Variants in CAPN12 observed in about 807,000 individuals in gnomAD.
CAPN12 encodes calpain 12, also known as calpain-12.
Under a neutral mutation model 95.0 loss-of-function variants are expected in CAPN12, and 107 were observed. The ratio of observed to expected loss-of-function variants is 1.13; its 90% CI spans 0.96 to 1.32. CAPN12 has a LOEUF of 1.32. Ranked by LOEUF, CAPN12 falls within the 40% of genes most tolerant of loss-of-function variation. The probability of loss-of-function intolerance (pLI) is 0.00; values close to 1 mark genes in which losing one functional copy is unlikely to be tolerated. For missense variants in CAPN12, 1,136 were observed against 997.8 expected (o/e 1.14, Z -1.87); for synonymous variants, 505 against 415.5 (o/e 1.22, Z -2.62).
At position 38,744,369 on chromosome 19, in the gene CAPN12, T is replaced by C; in HGVS notation, c.-204A>G. 1 of 604,446 alleles carries C rather than the reference T, an allele frequency of 1.7e-6. No individual in the cohort carries two copies. The highest frequency in any genetic ancestry group is 2.9e-5 in the Admixed American group (1 of 34,172). The allele number at this position is 604,446 out of a possible 1,614,324, so 37.4% of individuals were successfully genotyped here. A position where few individuals can be genotyped will look rare whatever the true frequency, so the allele number is the denominator to read the frequency against. On this transcript the variant is annotated 5_prime_UTR_variant, in exon 1 of 21. Transcript: ENST00000328867. ...TCCCAGGGCGTGGGGCCTTCAGTTG[T>C]GGCCAAGGTAGCAGCTTAATGGGCT...
At chr19:38,738,977 T>A (rs1970388232) in intron 5 of CAPN12, 1 of 383,296 alleles carries the variant, frequency 2.6e-6, no homozygotes, top group Non-Finnish European at 4.9e-6. Context: ...ACAAAAATTT[T>A]AAAAATTCAA....
At chr19:38,733,866 C>G in intron 17 of CAPN12, 85 bp from the exon 18 acceptor site, 1 of 1,137,800 alleles carries the variant, frequency 8.8e-7, no homozygotes, top group Admixed American at 1.9e-5. Context: ...CAGCCTGGTG[C>G]CCATCCCAAC....
intron 18 of CAPN12, among the ~76,000 whole-genome samples, chr19:38,732,286 A>G (rs1457230252): frequency 6.6e-6 from 1 of 151,868 alleles, no homozygotes; most frequent in Non-Finnish European, 1.5e-5. Flanking sequence ...ACGTCTCCCA[A>G]TCCTTGGCTG....
At chr19:38,736,394 T>C (rs1353749553) in intron 11 of CAPN12, 76 bp from the exon 12 acceptor site, 1 of 1,486,656 alleles carries the variant, frequency 6.7e-7, no homozygotes, top group East Asian at 2.6e-5. Flanking sequence ...GCGCGCCCCG[T>C]CCACCCTGCC....
chr19:38,735,978 GGGGCA>G lies in CAPN12; in HGVS notation c.1583+127_1583+131del, dbSNP rs201058061. 57 of 283,932 alleles carry G rather than the reference GGGGCA, an allele frequency of 2.0e-4. 15 individuals carry two copies. The highest frequency in any genetic ancestry group is 6.1e-4 in the African/African-American group (9 of 14,776). The allele number at this position is 283,932 out of a possible 1,614,324, so 17.6% of individuals were successfully genotyped here. Reference sequence around the variant, plus strand: ...GGGGGTTCTGGGGGCGGGGCGGGGCGGGGCAGGGGTTCTGGGGGCGGGGCAGGTCA... The same window carrying G: ...GGGGGTTCTGGGGGCGGGGCGGGGCGGGGGTTCTGGGGGCGGGGCAGGTCA... On this transcript the variant is annotated intron_variant, in intron 12 of 20. Coordinates refer to ENST00000328867, the MANE Select transcript of CAPN12 (RefSeq NM_144691.4).
Position 38,738,297 on chromosome 19 carries a change from A to T in CAPN12, c.941T>A (p.Val314Glu), listed in dbSNP as rs1970337632. The part of the protein sequence containing the change: ...LPTECRDALL[V>E]KKEDGEFWME... ...CCAGAACTCGCCATCCTCCTTTTTC[A>T]CCAGCAGGGCATCGCGGCACTCGGT... is the stretch of plus-strand genomic sequence containing the variant. Residue 314 changes from valine (V) to glutamate (E), a missense_variant, in exon 8 of 21, where the codon GTG (valine) becomes GAG (glutamate). Coordinates refer to ENST00000328867, the MANE Select transcript of CAPN12 (RefSeq NM_144691.4). 2 of 1,611,248 alleles carry T rather than the reference A, an allele frequency of 1.2e-6. No homozygotes were observed. Among genetic ancestry groups the T allele is most frequent in the Admixed American group, 3.3e-5 (2 of 59,932 alleles).
At chr19:38,742,945 G>C (rs571660837) in intron 2 of CAPN12, 88 bp downstream of exon 2, 4 of 1,219,746 alleles carry the variant, frequency 3.3e-6, no homozygotes, top group Non-Finnish European at 2.4e-6. Flanking sequence ...TCCAGGGGCC[G>C]GGAGTGGGTG....
In CAPN12 at chr19:38,743,329, T is replaced by G. The variant is rs36125859; in HGVS notation, c.238-227A>C. Among the ~76,000 whole-genome samples, 4,942 of 57,368 alleles carry G rather than the reference T, an allele frequency of 0.086. 148 individuals carry two copies. Among genetic ancestry groups the G allele is most frequent in the Middle Eastern group, 0.15 (10 of 68 alleles). The allele number at this position is 57,368 out of a possible 152,430, so 37.6% of individuals were successfully genotyped here. A position where few individuals can be genotyped will look rare whatever the true frequency, so the allele number is the denominator to read the frequency against. Reference sequence around the variant, plus strand: ...CTCCTCCCTCAGACCCAGGAGTCCATGTCCCGAGCCCCTCCTCCCTCAGAC... The same window carrying G: ...CTCCTCCCTCAGACCCAGGAGTCCAGGTCCCGAGCCCCTCCTCCCTCAGAC... On this transcript the variant is annotated intron_variant, in intron 1 of 20. Coordinates refer to ENST00000328867, the MANE Select transcript of CAPN12 (RefSeq NM_144691.4).
chr19:38,741,211 G>T (rs1326937456), intron 4 of CAPN12, among the ~76,000 whole-genome samples: 1 of 152,160 alleles, frequency 6.6e-6, no homozygotes, highest in Admixed American at 6.5e-5. Flanking sequence ...GGATCCTTAA[G>T]AATTATGAGT....
At chr19:38,735,078 G>A (rs1969922121) in intron 14 of CAPN12, 1 of 607,884 alleles carries the variant, frequency 1.6e-6, no homozygotes, top group Middle Eastern at 4.4e-4. Context: ...GACCGGCCTG[G>A]GGCAGGGGGG....
chr19:38,730,823 T>G lies in CAPN12; in HGVS notation c.*29A>C, dbSNP rs993152543. The G allele has an allele frequency of 5.4e-5, 84 of 1,550,434 alleles. No individual in the cohort carries two copies. The highest frequency in any genetic ancestry group is 6.4e-5 in the Non-Finnish European group (73 of 1,147,044). On this transcript the variant is annotated 3_prime_UTR_variant, in exon 21 of 21. Coordinates refer to ENST00000328867, the MANE Select transcript of CAPN12 (RefSeq NM_144691.4). ...GTGGTCTTGCTCAGCAACCCTGCCC[T>G]GAGCAGCAGGTGCGCCCATCCGGAG...
chr19:38,739,065 A>G (rs1170151765), intron 5 of CAPN12: 2 of 273,262 alleles, frequency 7.3e-6, no homozygotes, highest in Admixed American at 1.0e-4. Flanking sequence ...CCAGAGGTCA[A>G]GGCTATAGTG....
At chr19:38,742,725 C>T (rs986754130) in intron 2 of CAPN12, among the ~76,000 whole-genome samples, 197 bp from the exon 3 acceptor site, 1 of 151,790 alleles carries the variant, frequency 6.6e-6, no homozygotes, top group South Asian at 2.1e-4. Context: ...GTGGCATGCA[C>T]CTGTAGTCCC....
intron 12 of CAPN12, 121 bp downstream of exon 12, chr19:38,735,989 T>A: frequency 4.5e-6 from 1 of 221,302 alleles, no homozygotes; most frequent in Non-Finnish European, 6.6e-6. Flanking sequence ...GGGCAGGGGT[T>A]CTGGGGGCGG....
intron 18 of CAPN12, 111 bp downstream of exon 18, chr19:38,733,592 C>G: frequency 1.0e-6 from 1 of 956,248 alleles, no homozygotes; most frequent in Admixed American, 2.0e-5. Context: ...AGGTGTGGGC[C>G]TGTGGATGGC....
intron 14 of CAPN12, 62 bp downstream of exon 14, chr19:38,735,308 A>C: frequency 6.8e-7 from 1 of 1,473,166 alleles, no homozygotes; most frequent in Non-Finnish European, 9.1e-7. Context: ...GGGGTGGGGG[A>C]AGGGGGGTCC....
chr19:38,742,412 G>A lies in CAPN12; in HGVS notation c.424C>T (p.Gln142Ter), dbSNP rs760312143. Reference sequence around the variant, plus strand: ...TGGGCAGAGGAACTGAGCTGTACCTGGAAGTGGAAGACGCCTGCGTAGCCA... The same window carrying A: ...TGGGCAGAGGAACTGAGCTGTACCTAGAAGTGGAAGACGCCTGCGTAGCCA... ...QHGYAGVFHF[Q>*]LWQFGRWMDV... The change falls in exon 3 of 21, where the codon CAG (glutamine) becomes TAG (stop). Residue 142 changes from glutamine to a stop codon, truncating the protein, a stop_gained and splice_region_variant. Transcript: ENST00000328867. LOFTEE classifies it high-confidence loss of function. 6.2e-7 allele frequency: 1 copy of A among 1,608,700 alleles called. No individual in the cohort carries two copies. Among genetic ancestry groups the A allele is most frequent in the Non-Finnish European group, 8.5e-7 (1 of 1,175,048 alleles).
chr19:38,736,272 C>T lies in CAPN12; in HGVS notation c.1421G>A (p.Arg474Gln), dbSNP rs1367608164. 4.8e-6 allele frequency: 7 copies of T among 1,457,846 alleles called. No homozygotes were observed. Among genetic ancestry groups the T allele is most frequent in the African/African-American group, 3.0e-5 (2 of 67,100 alleles). The allele number at this position is 1,457,846 out of a possible 1,614,324, so 90.3% of individuals were successfully genotyped here. The change falls in exon 12 of 21, where the codon CGG becomes CAG. Residue 474 changes from arginine to glutamine, a missense_variant. Physicochemically the swap from Arg to Gln is conservative, Grantham distance 43. Transcript: ENST00000328867. ...GGGCGAGCGGTCGGCGCGCAGCAGC[C>T]GGGGCAGGAGCGCATGGCTGCGCGG... ...DSPRSHALLP[R>Q]LLRADRSPLS... is the part of the protein sequence containing the mutation.
Position 38,738,337 on chromosome 19 carries a change from AG to A in CAPN12, c.900del (p.Trp301GlyfsTer14), listed in dbSNP as rs779943180. 1.9e-5 allele frequency: 30 copies of A among 1,611,984 alleles called. No individual in the cohort carries two copies. In the South Asian group the frequency reaches 3.3e-4, roughly 18 times the overall value. On this transcript the variant is annotated frameshift_variant, in exon 8 of 21. Coordinates refer to ENST00000328867, the MANE Select transcript of CAPN12 (RefSeq NM_144691.4). LOFTEE classifies it high-confidence loss of function. ...CGGCACTCGGTGGGGAGTGTGTCCCAGCGTGGGCAGCTGGAGAGACTGTGGT... is the reference window on the plus strand; with the variant it reads ...CGGCACTCGGTGGGGAGTGTGTCCCACGTGGGCAGCTGGAGAGACTGTGGT... ...WTGAWSDSCP[R>X]WDTLPTECRD...
Sources: gnomAD v4.1 joint callset for allele counts (sites outside exome capture counted in the v4.1 genomes callset) on GRCh38, gnomAD v4.1.1 for gene constraint, MANE v1.5 for transcripts, NCBI Gene and HGNC (gene_info 2026-07-23, HGNC 2026-07-21) for gene names.